The following DSCAML1 variants were observed in gnomAD, a reference collection of about 807,000 sequenced individuals.
The protein encoded by DSCAML1 is cell adhesion molecule DSCAML1.
In DSCAML1, 38 loss-of-function variants were observed where a neutral mutation model predicts 200.5. The observed-to-expected ratio is 0.19, with a 90% CI of 0.15 to 0.25. The LOEUF is 0.25. DSCAML1 is among the 10% of genes least tolerant of loss of function. The pLI, the probability that DSCAML1 is intolerant of heterozygous loss-of-function variation, is 1.00. For missense variants in DSCAML1, 2,223 were observed against 2,858.8 expected (o/e 0.78, Z 5.07); for synonymous variants, 1,215 against 1,165.0 (o/e 1.04, Z -0.87).
chr11:117,508,854 A>T (rs543221987), intron 8 of DSCAML1, among the ~76,000 whole-genome samples: 36 of 152,294 alleles, frequency 2.4e-4, no homozygotes, highest in African/African-American at 8.4e-4. Flanking sequence ...TTGAGGCCAG[A>T]GCCAGTGGAT....
At chr11:117,666,984 G>A (rs528896647) in intron 3 of DSCAML1, among the ~76,000 whole-genome samples, 16 of 152,320 alleles carry the variant, frequency 1.1e-4, no homozygotes, top group African/African-American at 3.6e-4. Context: ...GTCAGCAGGT[G>A]TTAGTGGCCT....
At chr11:117,737,065 G>A (rs2054330163) in intron 3 of DSCAML1, among the ~76,000 whole-genome samples, 1 of 152,150 alleles carries the variant, frequency 6.6e-6, no homozygotes, top group South Asian at 2.1e-4. Flanking sequence ...CAGGCTCCAG[G>A]TGAGAGATCT....
In DSCAML1 at chr11:117,434,687, TTCTA is replaced by T. The variant is rs1430320801; in HGVS notation, c.4876+953_4876+956del. Among the ~76,000 whole-genome samples, 97 of 152,290 alleles carry T rather than the reference TTCTA, an allele frequency of 6.4e-4. 1 individual carries two copies. The highest frequency in any genetic ancestry group is 2.2e-3 in the African/African-American group (92 of 41,558). ...CATCTATTCAGCCATCCAGCCATCC[TTCTA>T]TCTATACATCCTTCCATTCAACCAT... On this transcript the variant is annotated intron_variant, in intron 27 of 32. Transcript: ENST00000651296.
At chr11:117,488,021 C>T (rs903660070) in intron 11 of DSCAML1, among the ~76,000 whole-genome samples, 14 of 152,212 alleles carry the variant, frequency 9.2e-5, no homozygotes, top group Admixed American at 3.9e-4. Flanking sequence ...ATGTGGCTCA[C>T]TGTCTGATGA....
chr11:117,810,389 T>G (rs1245393298), intron 1 of DSCAML1, among the ~76,000 whole-genome samples: 1 of 149,798 alleles, frequency 6.7e-6, no homozygotes, highest in Non-Finnish European at 1.5e-5. Context: ...ACCTCTTATC[T>G]CTGTGTCCCA....
At chr11:117,667,036 G>A (rs1467005989) in intron 3 of DSCAML1, among the ~76,000 whole-genome samples, 3 of 152,084 alleles carry the variant, frequency 2.0e-5, no homozygotes, top group Non-Finnish European at 4.4e-5. Context: ...GACAGCAGCT[G>A]GGGGGTCCAA....
chr11:117,555,676 G>T, intron 3 of DSCAML1, among the ~76,000 whole-genome samples: 1 of 152,172 alleles, frequency 6.6e-6, no homozygotes, highest in East Asian at 1.9e-4. Context: ...GGGGTTTGGC[G>T]GGTGATGAAT....
At position 117,537,862 on chromosome 11, in the gene DSCAML1, C is replaced by T. The variant is rs79982075; in HGVS notation, c.512-5340G>A. 2.8e-3 allele frequency among the ~76,000 whole-genome samples: 428 copies of T among 152,326 alleles called. 2 individuals carry two copies. The highest frequency in any genetic ancestry group is 0.013 in the Admixed American group (206 of 15,304). On this transcript the variant is annotated intron_variant, in intron 3 of 32. Transcript: ENST00000651296. Reference sequence around the variant, plus strand: ...CCCTCCTCTGGAGCCTGTAGAGAGACGCTGGCCCTGCCAGCACCTCCATTT... The same window carrying T: ...CCCTCCTCTGGAGCCTGTAGAGAGATGCTGGCCCTGCCAGCACCTCCATTT...
chr11:117,761,532 G>A (rs376637083), intron 3 of DSCAML1, among the ~76,000 whole-genome samples: 241 of 152,330 alleles, frequency 1.6e-3, no homozygotes, highest in African/African-American at 5.5e-3. Context: ...GTGACCTTGG[G>A]CAAGTTACTG....
rs773773661 is a variant in DSCAML1 at position 117,480,527 on chromosome 11, G to A, written c.2701C>T (p.Arg901Trp). ...PELEIREVKA[R>W]SMNLRWTQRF... ...TGGGTCCAGCGCAGGTTCATGCTCCGGGCCTTCACCTCCCGGATCTCCAGC... is the reference window on the plus strand; with the variant it reads ...TGGGTCCAGCGCAGGTTCATGCTCCAGGCCTTCACCTCCCGGATCTCCAGC... The change falls in exon 14 of 33, where the codon CGG (arginine) becomes TGG (tryptophan). Residue 901 changes from arginine (R) to tryptophan (W), a missense_variant. By Grantham distance (101) the Arg-to-Trp change is moderately radical. Transcript: ENST00000651296. The surrounding 1 kb of genome is among the most constrained non-coding windows in gnomAD (Gnocchi z 4.1). 17 of 1,591,418 alleles carry A rather than the reference G, an allele frequency of 1.1e-5. No individual in the cohort carries two copies. The highest frequency in any genetic ancestry group is 3.5e-5 in the Admixed American group (2 of 56,466).
At position 117,485,311 on chromosome 11, in the gene DSCAML1, C is replaced by G. The variant is rs572636488; in HGVS notation, c.2360-3149G>C. ...AGGGATCCTTGGCCCCTCAGCCCTT[C>G]TGTGTGTGGTAACAACCATACCTGG... On this transcript the variant is annotated intron_variant, in intron 11 of 32. Coordinates refer to ENST00000651296, the MANE Select transcript of DSCAML1 (RefSeq NM_020693.4). Among the ~76,000 whole-genome samples, 5 of 152,328 alleles carry G rather than the reference C, an allele frequency of 3.3e-5. No individual in the cohort carries two copies. The South Asian group carries it at 6.2e-4, about 19-fold the overall frequency.
chr11:117,748,130 C>T (rs1040266969), intron 3 of DSCAML1, among the ~76,000 whole-genome samples: 1 of 152,090 alleles, frequency 6.6e-6, no homozygotes, highest in Non-Finnish European at 1.5e-5. Context: ...CACAATATGG[C>T]GGCAATGATA....
intron 3 of DSCAML1, among the ~76,000 whole-genome samples, chr11:117,563,179 G>A (rs1005725527): frequency 1.3e-5 from 2 of 152,136 alleles, no homozygotes; most frequent in Non-Finnish European, 2.9e-5. Context: ...CTGACTCTGG[G>A]GCAGGTTGTC....
At chr11:117,717,052 G>A (rs12224501) in intron 3 of DSCAML1, among the ~76,000 whole-genome samples, 32,525 of 152,108 alleles carry the variant, frequency 0.21, 3,985 homozygotes, top group Admixed American at 0.31. Flanking sequence ...TTTTGTTTGG[G>A]AGGGCGCAGG....
chr11:117,782,423 T>C (rs2055281341), intron 1 of DSCAML1, among the ~76,000 whole-genome samples: 1 of 152,192 alleles, frequency 6.6e-6, no homozygotes, highest in South Asian at 2.1e-4. Flanking sequence ...ACTGCACTCA[T>C]AGCAGCTAAA....
At chr11:117,546,276 A>G (rs2137379572) in intron 3 of DSCAML1, among the ~76,000 whole-genome samples, 1 of 152,278 alleles carries the variant, frequency 6.6e-6, no homozygotes, top group East Asian at 1.9e-4. Flanking sequence ...CTTGGATTGG[A>G]CTTGGGTTCT....
Position 117,505,336 on chromosome 11 carries a change from C to T in DSCAML1, c.2062+118G>A, listed in dbSNP as rs912933267. 24 of 1,388,548 alleles carry T rather than the reference C, an allele frequency of 1.7e-5. No individual in the cohort carries two copies. The highest frequency in any genetic ancestry group is 2.2e-5 in the Non-Finnish European group (23 of 1,030,094). 86.0% of individuals were successfully genotyped at this position (1,388,548 alleles called of 1,614,324 possible). A position where few individuals can be genotyped will look rare whatever the true frequency, so the allele number is the denominator to read the frequency against. ...GAGGTTTAGGCTCCAACAGGCCCTT[C>T]AAGATGCTGGAGCCCACCTTCCATG... On this transcript the variant is annotated intron_variant, in intron 9 of 32. Transcript: ENST00000651296. This position sits in a 1 kb window ranked among gnomAD's most constrained non-coding sequence, Gnocchi z 6.7.
intron 3 of DSCAML1, among the ~76,000 whole-genome samples, chr11:117,659,273 C>G (rs1212223085): frequency 6.6e-6 from 1 of 152,184 alleles, no homozygotes; most frequent in African/African-American, 2.4e-5. Flanking sequence ...ACGCTTAGAG[C>G]TTGGATATTA....
At chr11:117,722,928 A>G (rs1204986960) in intron 3 of DSCAML1, among the ~76,000 whole-genome samples, 1 of 152,186 alleles carries the variant, frequency 6.6e-6, no homozygotes, top group Non-Finnish European at 1.5e-5. Context: ...CTATTGAAAT[A>G]GCTTTGTATC....
Sources: allele counts gnomAD v4.1 joint callset (sites outside exome capture counted in the v4.1 genomes callset), GRCh38; gene constraint gnomAD v4.1.1; non-coding constraint Gnocchi (gnomAD v3.1); transcripts MANE v1.5; gene names NCBI Gene and HGNC (gene_info 2026-07-23, HGNC 2026-07-21).